Variants in SHQ1 observed in about 807,000 individuals in gnomAD.
SHQ1 encodes the protein protein SHQ1 homolog.
Under a neutral mutation model 53.8 loss-of-function variants are expected in SHQ1, and 49 were observed. The ratio of observed to expected loss-of-function variants is 0.91; its 90% CI spans 0.72 to 1.16. The LOEUF is 1.16. Among genes scored for constraint, SHQ1 ranks in the 50% most tolerant of loss-of-function variants. SHQ1 has a pLI of 0.00. For synonymous variants in SHQ1, 243 were observed against 251.0 expected (o/e 0.97, Z 0.30); for missense variants, 738 against 683.1 (o/e 1.08, Z -0.90).
intron 4 of SHQ1, among the ~76,000 whole-genome samples, chr3:72,838,951 T>TA (rs553872568): frequency 0.046 from 6,299 of 136,226 alleles, 130 homozygotes; most frequent in African/African-American, 0.064. Flanking sequence ...TATAGCAGCT[T>TA]AAAAAAAAAA....
intron 10 of SHQ1, among the ~76,000 whole-genome samples, chr3:72,791,004 T>C (rs1473859723): frequency 6.6e-6 from 1 of 152,186 alleles, no homozygotes; most frequent in Non-Finnish European, 1.5e-5. Context: ...AAAAGTTTTT[T>C]CAGGGAAGGT....
chr3:72,775,451 C>CACA (rs1304724117), intron 10 of SHQ1, among the ~76,000 whole-genome samples: 1 of 144,446 alleles, frequency 6.9e-6, no homozygotes, highest in Non-Finnish European at 1.5e-5. Context: ...GAAAGAAAGA[C>CACA]ACAATGGCTT....
intron 5 of SHQ1, among the ~76,000 whole-genome samples, chr3:72,828,085 C>G (rs1016451662): frequency 1.3e-5 from 2 of 152,136 alleles, no homozygotes; most frequent in Admixed American, 1.3e-4. Context: ...ACTAATTGAA[C>G]AAGCATTCAC....
chr3:72,748,329 C>CCAAAAAA (rs1705291548), downstream of SHQ1, among the ~76,000 whole-genome samples: 1 of 58,762 alleles, frequency 1.7e-5, no homozygotes, highest in Admixed American at 2.6e-4. Context: ...ATGAGGCATG[C>CCAAAAAA]AAAAAAAAAA....
the SHQ1 span, among the ~76,000 whole-genome samples, chr3:72,741,491 C>T: frequency 1.3e-5 from 2 of 152,066 alleles, no homozygotes; most frequent in African/African-American, 4.8e-5. Flanking sequence ...GAGGCTGAGG[C>T]AGTAGAATTG....
intron 9 of SHQ1, among the ~76,000 whole-genome samples, chr3:72,807,873 A>G (rs540564798): frequency 7.2e-5 from 11 of 152,316 alleles, no homozygotes; most frequent in Admixed American, 5.9e-4. Flanking sequence ...TTAATAATTG[A>G]TAAGTAAGGG....
chr3:72,801,576 T>C (rs1357547749), intron 9 of SHQ1, among the ~76,000 whole-genome samples: 1 of 152,174 alleles, frequency 6.6e-6, no homozygotes, highest in Non-Finnish European at 1.5e-5. Flanking sequence ...GAATTTATTT[T>C]GGTGATCTCA....
chr3:72,812,931 A>G, intron 8 of SHQ1, 137 bp from the exon 9 acceptor site: 1 of 868,548 alleles, frequency 1.2e-6, no homozygotes, highest in East Asian at 2.7e-5. Flanking sequence ...AGAGAAACAT[A>G]AAACCATGAA....
chr3:72,728,224 A>G, the SHQ1 span, among the ~76,000 whole-genome samples: 1 of 152,136 alleles, frequency 6.6e-6, no homozygotes, highest in Admixed American at 6.5e-5. Context: ...GGAAAACCCA[A>G]AGCAAGGCGG....
chr3:72,779,961 G>A (rs1214693637), intron 10 of SHQ1, among the ~76,000 whole-genome samples: 1 of 152,212 alleles, frequency 6.6e-6, no homozygotes, highest in Non-Finnish European at 1.5e-5. Flanking sequence ...AAGGCCAGGC[G>A]AGGTGGCTCA....
intron 4 of SHQ1, among the ~76,000 whole-genome samples, chr3:72,839,929 T>G (rs1708115488): frequency 6.6e-6 from 1 of 151,710 alleles, no homozygotes; most frequent in South Asian, 2.1e-4. Context: ...CCTGGCTAAT[T>G]TTTTGTATTT....
rs754883532 is a variant in SHQ1 at position 72,844,340 on chromosome 3, A to G, written c.208+19T>C. On this transcript the variant is annotated intron_variant, in intron 2 of 10. Transcript: ENST00000325599. Reference sequence around the variant, plus strand: ...AAAAATCCCAAGAAATAAACTAACAAAAATTCCAAAGACAATACCTTTATC... The same window carrying G: ...AAAAATCCCAAGAAATAAACTAACAGAAATTCCAAAGACAATACCTTTATC... 2.5e-6 allele frequency: 4 copies of G among 1,607,186 alleles called. No homozygotes were observed. The Admixed American group carries it at 6.7e-5, about 27-fold the overall frequency.
At chr3:72,740,010 G>A in the SHQ1 span, among the ~76,000 whole-genome samples, 1 of 152,212 alleles carries the variant, frequency 6.6e-6, no homozygotes, top group Non-Finnish European at 1.5e-5. Flanking sequence ...GCCGCTGGAA[G>A]CTGTCACTTC....
At position 72,750,672 on chromosome 3, in the gene SHQ1, CAA is replaced by C; in HGVS notation, c.1344_1345del (p.Cys449LeufsTer4). 1 of 1,610,604 alleles carries C rather than the reference CAA, an allele frequency of 6.2e-7. No individual in the cohort carries two copies. Among genetic ancestry groups the C allele is most frequent in the Non-Finnish European group, 8.5e-7 (1 of 1,178,068 alleles). On this transcript the variant is annotated frameshift_variant, in exon 11 of 11. Transcript: ENST00000325599. LOFTEE classifies it low-confidence loss of function (END_TRUNC). The stretch of plus-strand genomic sequence containing the variant: ...CGAATCACTTGCCTCAGAGCTGGAG[CAA>C]AGTGTCTGCTGCCCAGAAACTGAAT...
intron 9 of SHQ1, among the ~76,000 whole-genome samples, chr3:72,802,505 A>G (rs1283404666): frequency 2.0e-5 from 3 of 152,158 alleles, no homozygotes; most frequent in Non-Finnish European, 4.4e-5. Context: ...GTCCCAGCAC[A>G]CTGTTTCTAC....
intron 10 of SHQ1, among the ~76,000 whole-genome samples, chr3:72,777,406 T>C (rs779447591): frequency 4.6e-5 from 7 of 152,154 alleles, no homozygotes; most frequent in Non-Finnish European, 8.8e-5. Flanking sequence ...CATTTCATAG[T>C]AGAGGAAACA....
chr3:72,828,122 G>A (rs1265314451), intron 5 of SHQ1, among the ~76,000 whole-genome samples: 2 of 152,144 alleles, frequency 1.3e-5, no homozygotes, highest in African/African-American at 4.8e-5. Flanking sequence ...GCATCATCAG[G>A]AAGATGAAGA....
the SHQ1 span, among the ~76,000 whole-genome samples, chr3:72,729,416 T>A: frequency 5.6e-3 from 852 of 152,224 alleles, 7 homozygotes; most frequent in African/African-American, 0.02. Flanking sequence ...AGCCTCCTGA[T>A]CGACCAGTCC....
intron 10 of SHQ1, among the ~76,000 whole-genome samples, chr3:72,766,480 AG>A (rs1705733558): frequency 1.3e-5 from 2 of 152,224 alleles, no homozygotes; most frequent in South Asian, 2.1e-4. Context: ...AAATGACCAC[AG>A]GTCATCTTGT....
Sources: gnomAD v4.1 joint callset for allele counts (sites outside exome capture counted in the v4.1 genomes callset) on GRCh38, gnomAD v4.1.1 for gene constraint, MANE v1.5 for transcripts, NCBI Gene and HGNC (gene_info 2026-07-23, HGNC 2026-07-21) for gene names.